The following SLCO1A2 variants were observed in gnomAD, a reference collection of about 807,000 sequenced individuals.
SLCO1A2 encodes solute carrier organic anion transporter family member 1A2.
SLCO1A2 carries 67 observed loss-of-function variants against 69.0 expected under a neutral mutation model. The ratio of observed to expected loss-of-function variants is 0.97; its 90% CI spans 0.80 to 1.19. The LOEUF (loss-of-function observed/expected upper bound fraction) is 1.19. Among genes scored for constraint, SLCO1A2 ranks in the 50% most tolerant of loss-of-function variants. The probability of loss-of-function intolerance (pLI) is 0.00; values close to 1 mark genes in which losing one functional copy is unlikely to be tolerated. For synonymous variants in SLCO1A2, 260 were observed against 265.9 expected, an observed-to-expected ratio of 0.98 and a Z score of 0.22; for missense variants, 787 against 793.7, an observed-to-expected ratio of 0.99 and a Z score of 0.10.
At chr12:21,285,967 C>G (rs887967678) in intron 12 of SLCO1A2, among the ~76,000 whole-genome samples, 11 of 152,160 alleles carry the variant, frequency 7.2e-5, no homozygotes, top group Non-Finnish European at 1.0e-4. Flanking sequence ...GATGCCCTCT[C>G]TCACCACTCC....
At chr12:21,404,024 T>C (rs573095343) in intron 1 of SLCO1A2, among the ~76,000 whole-genome samples, 43 of 152,198 alleles carry the variant, frequency 2.8e-4, no homozygotes, top group African/African-American at 1.0e-3. Flanking sequence ...ACAGAGTTGA[T>C]GCGGACAAGG....
chr12:21,387,087 G>C lies in SLCO1A2; in HGVS notation c.-190+7819C>G, dbSNP rs541892818. 7.2e-5 allele frequency among the ~76,000 whole-genome samples: 11 copies of C among 152,244 alleles called. No homozygotes were observed. The East Asian group carries it at 2.1e-3, about 29-fold the overall frequency. ...CTGCTGGCTTTTTGCCCCGGCCCTA[G>C]AGAATTTTGAACTTGAGAGAGATGA... On this transcript the variant is annotated intron_variant, in intron 1 of 15. Transcript: ENST00000307378.
Position 21,265,923 on chromosome 12 carries a change from A to G in SLCO1A2, c.*3625T>C, listed in dbSNP as rs891661103. On this transcript the variant is annotated 3_prime_UTR_variant, in exon 15 of 15. Coordinates refer to ENST00000683939, the MANE Select transcript of SLCO1A2 (RefSeq NM_001386879.1). ...AAATCATACTCTTTTAACATCTACA[A>G]CCTCTTCTACCAGGAGCTGTCTCTG... is the stretch of plus-strand genomic sequence containing the variant. The G allele has an allele frequency of 6.6e-6, 1 of 151,868 alleles. No individual in the cohort carries two copies. Among genetic ancestry groups the G allele is most frequent in the Non-Finnish European group, 1.5e-5 (1 of 67,976 alleles). The allele number at this position is 151,868 out of a possible 1,614,324, so 9.4% of individuals were successfully genotyped here.
intron 1 of SLCO1A2, among the ~76,000 whole-genome samples, chr12:21,374,819 G>GTCTCTCTCTCTC (rs71043266): frequency 3.0e-4 from 45 of 148,362 alleles, no homozygotes; most frequent in African/African-American, 1.1e-3. Context: ...TTGAGACAGG[G>GTCTCTCTCTCTC]TCTCTCTCTC....
chr12:21,394,049 A>G (rs1459831759), intron 1 of SLCO1A2, among the ~76,000 whole-genome samples: 1 of 152,194 alleles, frequency 6.6e-6, no homozygotes, highest in African/African-American at 2.4e-5. Context: ...GCCATGGTTC[A>G]ATATTGCACA....
At chr12:21,284,309 A>G (rs1001286358) in intron 12 of SLCO1A2, among the ~76,000 whole-genome samples, 11 of 152,224 alleles carry the variant, frequency 7.2e-5, no homozygotes, top group Admixed American at 5.2e-4. Context: ...TCCCAGTGTG[A>G]GCGATGCAGA....
At chr12:21,297,595 C>T (rs1402243072) in intron 8 of SLCO1A2, 27 bp from the exon 9 acceptor site, 3 of 1,492,362 alleles carry the variant, frequency 2.0e-6, no homozygotes, top group Non-Finnish European at 2.7e-6. Flanking sequence ...ACAACTGTGT[C>T]AAACGAACTT....
Position 21,322,692 on chromosome 12 carries a change from G to A in SLCO1A2, c.61-3769C>T, listed in dbSNP as rs180699385. On this transcript the variant is annotated intron_variant, in intron 2 of 14. Coordinates refer to ENST00000683939, the MANE Select transcript of SLCO1A2 (RefSeq NM_001386879.1). ...AGACTTAAAGTCTGTGTTGATGTTA[G>A]TTCTGGTTGGTTTTTTCCTGAATTC... 3.5e-3 allele frequency among the ~76,000 whole-genome samples: 533 copies of A among 152,280 alleles called. 2 individuals are homozygous for A. The highest frequency in any genetic ancestry group is 5.6e-3 in the South Asian group (27 of 4,826).
intron 1 of SLCO1A2, among the ~76,000 whole-genome samples, chr12:21,385,172 T>A (rs766460057): frequency 2.0e-5 from 3 of 152,210 alleles, no homozygotes; most frequent in Non-Finnish European, 4.4e-5. Flanking sequence ...AAATTTAGTA[T>A]AAGTTTACGT....
intron 1 of SLCO1A2, among the ~76,000 whole-genome samples, chr12:21,393,149 T>C (rs943388497): frequency 6.6e-6 from 1 of 152,176 alleles, no homozygotes; most frequent in Non-Finnish European, 1.5e-5. Context: ...AAGATTTCAT[T>C]GTACATTTAA....
At chr12:21,298,369 T>G (rs1032149270) in intron 8 of SLCO1A2, among the ~76,000 whole-genome samples, 9 of 152,188 alleles carry the variant, frequency 5.9e-5, no homozygotes, top group Non-Finnish European at 1.2e-4. Context: ...CTGCTTCTAG[T>G]AAATGTTCTT....
chr12:21,273,741 C>T (rs1041040426), intron 14 of SLCO1A2, among the ~76,000 whole-genome samples: 1 of 152,156 alleles, frequency 6.6e-6, no homozygotes, highest in African/African-American at 2.4e-5. Flanking sequence ...GGAATAGATG[C>T]AGAGATGAAT....
intron 1 of SLCO1A2, among the ~76,000 whole-genome samples, chr12:21,384,797 G>C (rs1462128666): frequency 7.0e-6 from 1 of 142,282 alleles, no homozygotes; most frequent in Non-Finnish European, 1.5e-5. Flanking sequence ...TCGGAGTCTC[G>C]TTCTGTCACT....
In SLCO1A2 at chr12:21,272,244, T is replaced by C. The variant is rs139255380; in HGVS notation, c.1793+2225A>G. Among the ~76,000 whole-genome samples, 995 of 151,960 alleles carry C rather than the reference T, an allele frequency of 6.5e-3. 9 individuals are homozygous for C. The highest frequency in any genetic ancestry group is 0.021 in the African/African-American group (878 of 41,554). On this transcript the variant is annotated intron_variant, in intron 14 of 14. Transcript: ENST00000683939. The stretch of plus-strand genomic sequence containing the variant: ...GAAATAGATATAGATGTATTATAGA[T>C]TCATACAGATTATATATGTTTATAC...
intron 8 of SLCO1A2, among the ~76,000 whole-genome samples, chr12:21,299,307 G>T (rs1948211569): frequency 6.6e-6 from 1 of 152,006 alleles, no homozygotes; most frequent in Admixed American, 6.6e-5. Flanking sequence ...GGCTATCTTA[G>T]TTTAGTTTCC....
chr12:21,315,484 A>G (rs1465018657), intron 3 of SLCO1A2, among the ~76,000 whole-genome samples: 1 of 152,224 alleles, frequency 6.6e-6, no homozygotes, highest in Non-Finnish European at 1.5e-5. Flanking sequence ...TCAGTAAATA[A>G]TATCTACCTT....
chr12:21,269,642 A>T lies in SLCO1A2; in HGVS notation c.1919T>A (p.Ile640Lys). The change falls in exon 15 of 15, where the codon ATA becomes AAA. Residue 640 changes from isoleucine (I) to lysine (K), a missense_variant. Transcript: ENST00000683939. ...GENASSGTELIETKVKGKENE... is the reference protein window; with the variant it reads ...GENASSGTELKETKVKGKENE... ...TTCCTTCCCTTTGACTTTTGTCTCT[A>T]TAAGCTCTGTTCCTGAAGAGGCATT... 1 of 1,612,720 alleles carries T rather than the reference A, an allele frequency of 6.2e-7. No homozygotes were observed. Among genetic ancestry groups the T allele is most frequent in the Admixed American group, 1.7e-5 (1 of 59,878 alleles).
intron 1 of SLCO1A2, chr12:21,379,882 T>C (rs904280203): frequency 1.3e-5 from 2 of 152,184 alleles, no homozygotes; most frequent in African/African-American, 4.8e-5. Context: ...TGGTAAGTGG[T>C]AGCGGTAGTG....
chr12:21,406,111 A>G (rs937214589), intron 1 of SLCO1A2, among the ~76,000 whole-genome samples: 1 of 152,216 alleles, frequency 6.6e-6, no homozygotes, highest in Non-Finnish European at 1.5e-5. Flanking sequence ...TAAGATTAAG[A>G]GGGAATCCTT....
Sources: gnomAD v4.1 joint callset for allele counts (sites outside exome capture counted in the v4.1 genomes callset) on GRCh38, gnomAD v4.1.1 for gene constraint, MANE v1.5 for transcripts, NCBI Gene and HGNC (gene_info 2026-07-23, HGNC 2026-07-21) for gene names.